The following FRMD1 variants were observed in gnomAD, a reference collection of about 807,000 sequenced individuals.
FRMD1 encodes FERM domain containing 1.
Under a neutral mutation model 54.9 loss-of-function variants are expected in FRMD1, and 51 were observed. The ratio of observed to expected loss-of-function variants is 0.93; its 90% CI spans 0.74 to 1.17. FRMD1 has a LOEUF of 1.17. Among genes scored for constraint, FRMD1 ranks in the 50% most tolerant of loss-of-function variants. FRMD1 has a pLI of 0.00. For missense variants in FRMD1, 729 were observed against 743.0 expected, an observed-to-expected ratio of 0.98 and a Z score of 0.22; for synonymous variants, 324 against 306.4, an observed-to-expected ratio of 1.06 and a Z score of -0.60.
rs920587663 is a variant in FRMD1, at chr6:168,055,638, G to A, written c.*1459C>T. 1.3e-4 allele frequency: 20 copies of A among 152,204 alleles called. No homozygotes were observed. The highest frequency in any genetic ancestry group is 1.2e-3 in the Admixed American group (18 of 15,292). 9.4% of individuals were successfully genotyped at this position (152,204 alleles called of 1,614,324 possible). ...CATGCTCACATCTGAGCCAGCACTA[G>A]GCGCACCTCCCCTGCCGCACAGGAA... On this transcript the variant is annotated 3_prime_UTR_variant, in exon 11 of 11. Coordinates refer to ENST00000283309, the MANE Select transcript of FRMD1 (RefSeq NM_024919.6).
At chr6:168,090,384 G>A (rs1800996467) in intron 1 of FRMD1, among the ~76,000 whole-genome samples, 1 of 152,144 alleles carries the variant, frequency 6.6e-6, no homozygotes, top group South Asian at 2.1e-4. Flanking sequence ...TCGCTCTCTG[G>A]CCTCACCGTC....
intron 6 of FRMD1, 64 bp downstream of exon 6, chr6:168,063,537 G>C: frequency 6.7e-7 from 1 of 1,497,074 alleles, no homozygotes; most frequent in Non-Finnish European, 8.9e-7. Context: ...TCAGCCATGG[G>C]GGCTCCGTGC....
In FRMD1 at chr6:168,059,025, G is replaced by T; in HGVS notation, c.1407+99C>A. The T allele has an allele frequency of 1.1e-6, 1 of 906,692 alleles. No individual in the cohort carries two copies. Among genetic ancestry groups the T allele is most frequent in the Non-Finnish European group, 1.7e-6 (1 of 596,226 alleles). 56.2% of individuals were successfully genotyped at this position (906,692 alleles called of 1,614,324 possible). A position where few individuals can be genotyped will look rare whatever the true frequency, so the allele number is the denominator to read the frequency against. On this transcript the variant is annotated intron_variant, in intron 10 of 10. Transcript: ENST00000283309. The surrounding 1 kb of genome is among the most constrained non-coding windows in gnomAD (Gnocchi z 4.4). ...GGGGATGTCAGTCGAGGGACCCTCT[G>T]ATAGGCCTAGGAAGGTCCCCAGGGC...
intron 1 of FRMD1, among the ~76,000 whole-genome samples, chr6:168,078,311 C>T (rs1800680884): frequency 6.6e-6 from 1 of 152,132 alleles, no homozygotes; most frequent in African/African-American, 2.4e-5. Context: ...AAACCGGCTT[C>T]CTGGCGCTCT....
upstream of FRMD1, among the ~76,000 whole-genome samples, chr6:168,083,911 A>G (rs1010586905): frequency 6.6e-6 from 1 of 152,164 alleles, no homozygotes; most frequent in Non-Finnish European, 1.5e-5. Flanking sequence ...AAATCAATTT[A>G]CTTGTTACAA....
chr6:168,075,693 C>A, intron 1 of FRMD1: 1 of 1,450,776 alleles, frequency 6.9e-7, no homozygotes. Flanking sequence ...TCGCACGGCA[C>A]AAATGAATGC....
At chr6:168,065,973 G>C in intron 4 of FRMD1, 1 of 1,000,244 alleles carries the variant, frequency 1.0e-6, no homozygotes, top group South Asian at 4.7e-5. Context: ...AAGCTCTAAG[G>C]CAGCTCTGGA....
intron 1 of FRMD1, among the ~76,000 whole-genome samples, chr6:168,078,429 C>T (rs927694338): frequency 6.6e-6 from 1 of 152,112 alleles, no homozygotes; most frequent in Non-Finnish European, 1.5e-5. Context: ...AGGGCTGGCC[C>T]TTGACACCTC....
chr6:168,089,318 A>G lies in FRMD1; in HGVS notation c.-11-10294T>C, dbSNP rs369241548. 2.0e-3 allele frequency among the ~76,000 whole-genome samples: 303 copies of G among 152,266 alleles called. 1 individual carries two copies. The highest frequency in any genetic ancestry group is 7.0e-3 in the African/African-American group (291 of 41,564). On this transcript the variant is annotated intron_variant, in intron 1 of 12. Coordinates refer to the FRMD1 transcript ENST00000644440. ...CTGGGGCACAGTCACTGTCAGCCTCACAGTGGTTTTTAGAGAACGTTTTTG... is the reference window on the plus strand; with the variant it reads ...CTGGGGCACAGTCACTGTCAGCCTCGCAGTGGTTTTTAGAGAACGTTTTTG...
intron 6 of FRMD1, among the ~76,000 whole-genome samples, 182 bp downstream of exon 6, chr6:168,063,419 G>T (rs1799861934): frequency 7.3e-6 from 1 of 137,556 alleles, no homozygotes; most frequent in Admixed American, 7.6e-5. Context: ...CTGGGGTCCT[G>T]ATCCCACTCT....
intron 4 of FRMD1, chr6:168,065,869 T>A (rs1289342675): frequency 3.0e-6 from 3 of 1,000,102 alleles, no homozygotes; most frequent in Non-Finnish European, 3.6e-6. Context: ...CCCCTTAGGT[T>A]TTCCCCCAGG....
At position 168,066,745 on chromosome 6, in the gene FRMD1, A is replaced by G. The variant is rs377348877; in HGVS notation, c.461+10T>C. ...CCAGGAAACACCCCTTACAGTCCGC[A>G]TGCCGTTACCTTATGACCCTTCCGT... On this transcript the variant is annotated intron_variant, in intron 4 of 10. Transcript: ENST00000283309. 8.9e-5 allele frequency: 143 copies of G among 1,610,872 alleles called. 1 individual carries two copies. In the African/African-American group the frequency reaches 1.8e-3, roughly 20 times the overall value.
intron 3 of FRMD1, 87 bp downstream of exon 3, chr6:168,067,280 C>T (rs371642377): frequency 1.4e-5 from 12 of 855,344 alleles, no homozygotes; most frequent in Middle Eastern, 2.9e-4. Context: ...CACCGCGGTG[C>T]CTGCTCTCTC....
intron 4 of FRMD1, 137 bp from the exon 5 acceptor site, chr6:168,065,194 C>T: frequency 7.0e-7 from 1 of 1,427,748 alleles, no homozygotes; most frequent in Non-Finnish European, 9.1e-7. Context: ...TCTTGTTATA[C>T]CCACAGCTGT....
intron 1 of FRMD1, among the ~76,000 whole-genome samples, chr6:168,078,608 T>TCACAGCCCTGCTCACCCC (rs1562430169): frequency 7.8e-5 from 2 of 25,736 alleles, no homozygotes; most frequent in Non-Finnish European, 1.5e-4. Context: ...CTGCTCACCC[T>TCACAGCCCTGCTCACCCC]CACGGCCCTG....
At chr6:168,075,011 T>C (rs1466296009) in intron 2 of FRMD1, among the ~76,000 whole-genome samples, 1 of 150,852 alleles carries the variant, frequency 6.6e-6, no homozygotes, top group Non-Finnish European at 1.5e-5. Context: ...TGCATGTGTG[T>C]GGTGTGTGCA....
At chr6:168,075,211 G>A (rs2115009634) in intron 2 of FRMD1, 34 bp downstream of exon 2, 1 of 1,587,174 alleles carries the variant, frequency 6.3e-7, no homozygotes, top group South Asian at 1.1e-5. Flanking sequence ...CGGCCCCTGG[G>A]CATTCCTGCA....
intron 3 of FRMD1, 90 bp downstream of exon 3, chr6:168,067,277 G>A (rs1383338451): frequency 9.5e-6 from 8 of 838,266 alleles, no homozygotes; most frequent in Non-Finnish European, 1.6e-5. Flanking sequence ...GCCCACCGCG[G>A]TGCCTGCTCT....
intron 1 of FRMD1, chr6:168,075,891 C>G (rs9295042): frequency 2.9e-5 from 1 of 34,644 alleles, no homozygotes; most frequent in Non-Finnish European, 4.6e-5. Flanking sequence ...ACATTTCCGG[C>G]GTCCCGTGTC....
Sources: gnomAD v4.1 joint callset for allele counts (sites outside exome capture counted in the v4.1 genomes callset) on GRCh38, gnomAD v4.1.1 for gene constraint, Gnocchi (gnomAD v3.1) non-coding constraint, MANE v1.5 for transcripts, NCBI Gene and HGNC (gene_info 2026-07-23, HGNC 2026-07-21) for gene names.